INPP4B: variants seen among roughly 807,000 people sequenced by gnomAD.
INPP4B encodes inositol polyphosphate-4-phosphatase type II B.
A neutral mutation model predicts 122.5 loss-of-function variants in INPP4B; 55 were observed. That is an observed-to-expected ratio of 0.45 (90% CI 0.36 to 0.56). The LOEUF is 0.56. Among genes scored for constraint, INPP4B ranks in the 20% least tolerant of loss-of-function variants. The probability of loss-of-function intolerance (pLI) is 0.00; values close to 1 mark genes in which losing one functional copy is unlikely to be tolerated. For synonymous variants in INPP4B, 403 were observed against 388.7 expected (o/e 1.04, Z -0.43); for missense variants, 1,000 against 1,097.7 (o/e 0.91, Z 1.26).
intron 1 of INPP4B, among the ~76,000 whole-genome samples, chr4:142,805,714 C>A (rs1778595861): frequency 6.6e-6 from 1 of 152,130 alleles, no homozygotes; most frequent in Admixed American, 6.5e-5. Context: ...CATTTTATTT[C>A]TTCTAGCTTA....
intron 2 of INPP4B, among the ~76,000 whole-genome samples, chr4:142,560,045 A>G (rs1730107443): frequency 6.6e-6 from 1 of 152,210 alleles, no homozygotes; most frequent in Admixed American, 6.5e-5. Flanking sequence ...AGGACATCAC[A>G]TCAGATAAGC....
At chr4:142,621,845 G>A (rs1451886627) in intron 2 of INPP4B, among the ~76,000 whole-genome samples, 1 of 151,748 alleles carries the variant, frequency 6.6e-6, no homozygotes, top group Non-Finnish European at 1.5e-5. Flanking sequence ...TTTAGTGTTT[G>A]CACGTTGCAC....
At chr4:142,246,033 C>G (rs951351225) in intron 11 of INPP4B, among the ~76,000 whole-genome samples, 2 of 127,006 alleles carry the variant, frequency 1.6e-5, no homozygotes, top group African/African-American at 6.3e-5. Flanking sequence ...TGTACACACA[C>G]GTGTGTGTAT....
chr4:142,617,039 T>C (rs569017980), intron 2 of INPP4B, among the ~76,000 whole-genome samples: 7 of 152,216 alleles, frequency 4.6e-5, no homozygotes, highest in Admixed American at 1.3e-4. Context: ...ACTTCACAGC[T>C]ACACAATCTA....
intron 17 of INPP4B, among the ~76,000 whole-genome samples, chr4:142,151,035 G>C (rs889070369): frequency 3.3e-5 from 5 of 152,148 alleles, no homozygotes; most frequent in African/African-American, 1.2e-4. Flanking sequence ...ATTAGAAACA[G>C]TCAGTGAATT....
chr4:142,481,901 A>G (rs889044101), intron 2 of INPP4B, among the ~76,000 whole-genome samples: 2 of 152,216 alleles, frequency 1.3e-5, no homozygotes, highest in Admixed American at 6.6e-5. Context: ...TTGAGTTTAC[A>G]TAGCCATAAG....
chr4:142,799,344 T>C (rs1561082289), intron 1 of INPP4B, among the ~76,000 whole-genome samples: 1 of 151,910 alleles, frequency 6.6e-6, no homozygotes, highest in Admixed American at 6.6e-5. Context: ...TATATATTTG[T>C]GGAAAAATTA....
chr4:142,299,898 C>T (rs550606815), intron 9 of INPP4B, among the ~76,000 whole-genome samples: 3 of 151,664 alleles, frequency 2.0e-5, no homozygotes, highest in African/African-American at 7.3e-5. Flanking sequence ...TTTTTAAAGT[C>T]ATCTCTGAAG....
At position 142,440,571 on chromosome 4, in the gene INPP4B, C is replaced by T. The variant is rs548536039; in HGVS notation, c.-126-9186G>A. Reference sequence around the variant, plus strand: ...GAAATATAATGGCTTATATGTAAAACAGATAAAAGCAGAGCTGCTCTGTTT... The same window carrying T: ...GAAATATAATGGCTTATATGTAAAATAGATAAAAGCAGAGCTGCTCTGTTT... On this transcript the variant is annotated intron_variant, in intron 3 of 25. Coordinates refer to ENST00000262992, the MANE Select transcript of INPP4B (RefSeq NM_001101669.3). 2.0e-5 allele frequency among the ~76,000 whole-genome samples: 3 copies of T among 152,130 alleles called. No homozygotes were observed. The South Asian group carries it at 6.2e-4, about 32-fold the overall frequency.
intron 7 of INPP4B, among the ~76,000 whole-genome samples, chr4:142,373,606 G>A (rs1790728077): frequency 6.6e-6 from 1 of 151,840 alleles, no homozygotes; most frequent in African/African-American, 2.4e-5. Flanking sequence ...GACACTAATA[G>A]TATCTATGTC....
At chr4:142,415,210 G>C (rs1355380478) in intron 5 of INPP4B, among the ~76,000 whole-genome samples, 2 of 152,212 alleles carry the variant, frequency 1.3e-5, no homozygotes, top group East Asian at 1.9e-4. Flanking sequence ...TATTGGGGAG[G>C]GGCTGCTTCC....
intron 1 of INPP4B, among the ~76,000 whole-genome samples, chr4:142,770,041 G>A (rs185171953): frequency 6.6e-6 from 1 of 152,294 alleles, no homozygotes; most frequent in Admixed American, 6.5e-5. Flanking sequence ...AAAATGGGAA[G>A]TCATTGAAGA....
chr4:142,791,060 T>A (rs1345774126), intron 1 of INPP4B, among the ~76,000 whole-genome samples: 4 of 152,174 alleles, frequency 2.6e-5, no homozygotes, highest in Non-Finnish European at 5.9e-5. Flanking sequence ...AACTTGATGT[T>A]TTCACATACA....
At chr4:142,255,733 C>A (rs368972728) in intron 11 of INPP4B, among the ~76,000 whole-genome samples, 7 of 152,038 alleles carry the variant, frequency 4.6e-5, no homozygotes, top group East Asian at 1.9e-4. Flanking sequence ...AAAGAGACTT[C>A]GACTCCCACA....
chr4:142,063,525 A>T (rs1005322817), intron 25 of INPP4B, among the ~76,000 whole-genome samples: 5 of 152,318 alleles, frequency 3.3e-5, no homozygotes, highest in African/African-American at 1.2e-4. Flanking sequence ...CCAGAAGAAA[A>T]TATGTTCAGA....
intron 2 of INPP4B, among the ~76,000 whole-genome samples, chr4:142,648,278 T>A (rs1752221638): frequency 6.6e-6 from 1 of 152,204 alleles, no homozygotes; most frequent in Non-Finnish European, 1.5e-5. Context: ...GATTTCTGCA[T>A]TTCCAACTGA....
At chr4:142,398,245 G>A (rs1162342363) in intron 7 of INPP4B, among the ~76,000 whole-genome samples, 1 of 150,544 alleles carries the variant, frequency 6.6e-6, no homozygotes, top group East Asian at 2.0e-4. Flanking sequence ...AGGCGTGGTG[G>A]CGGGCGCCTG....
intron 2 of INPP4B, among the ~76,000 whole-genome samples, chr4:142,558,212 T>C (rs1729633807): frequency 6.6e-6 from 1 of 152,190 alleles, no homozygotes. Flanking sequence ...CCTTGACCGC[T>C]AGATTTTGAG....
intron 2 of INPP4B, among the ~76,000 whole-genome samples, chr4:142,547,677 A>G (rs1315537891): frequency 1.3e-5 from 2 of 152,326 alleles, no homozygotes; most frequent in Middle Eastern, 3.4e-3. Flanking sequence ...ATGAGGCTCA[A>G]ACACTGGCTA....
Sources: allele counts gnomAD v4.1 joint callset (sites outside exome capture counted in the v4.1 genomes callset), GRCh38; gene constraint gnomAD v4.1.1; transcripts MANE v1.5; gene names NCBI Gene and HGNC (gene_info 2026-07-23, HGNC 2026-07-21).